NCOA2: variants seen among roughly 807,000 people sequenced by gnomAD.
The protein encoded by NCOA2 is nuclear receptor coactivator 2.
In NCOA2, 21 loss-of-function variants were observed where a neutral mutation model predicts 145.1. The observed-to-expected ratio is 0.14, with a 90% CI of 0.10 to 0.21. The LOEUF is 0.21. Among genes scored for constraint, NCOA2 ranks in the 10% least tolerant of loss-of-function variants. NCOA2 has a pLI of 1.00. For missense variants in NCOA2, 1,472 were observed against 1,837.6 expected (o/e 0.80, Z 3.64); for synonymous variants, 619 against 637.5 (o/e 0.97, Z 0.44).
the NCOA2 span, among the ~76,000 whole-genome samples, chr8:70,419,113 A>C: frequency 5.9e-5 from 9 of 152,042 alleles, no homozygotes; most frequent in East Asian, 3.9e-4. Context: ...AAAAAAAAAA[A>C]AAAACTAGAT....
intron 3 of NCOA2, among the ~76,000 whole-genome samples, chr8:70,215,140 T>C (rs1241820593): frequency 6.6e-6 from 1 of 152,206 alleles, no homozygotes; most frequent in Non-Finnish European, 1.5e-5. Flanking sequence ...GTCTCATTTT[T>C]ACCCGTAGCT....
chr8:70,197,958 C>T (rs1042186080), intron 4 of NCOA2, among the ~76,000 whole-genome samples: 13 of 152,050 alleles, frequency 8.5e-5, no homozygotes, highest in Non-Finnish European at 1.8e-4. Flanking sequence ...ACCACCATGC[C>T]CATTTAATTT....
chr8:70,204,209 T>C (rs1394940152), intron 4 of NCOA2, among the ~76,000 whole-genome samples: 2 of 152,132 alleles, frequency 1.3e-5, no homozygotes, highest in East Asian at 3.9e-4. Flanking sequence ...GGTTTCACCA[T>C]GTTGGCCAGG....
intron 5 of NCOA2, 26 bp downstream of exon 5, chr8:70,174,730 A>C (rs1814640379): frequency 6.4e-7 from 1 of 1,566,558 alleles, no homozygotes; most frequent in African/African-American, 1.4e-5. Flanking sequence ...ATTTTAAAAT[A>C]CAGCACTAAA....
chr8:70,267,357 C>T (rs2135206286), intron 2 of NCOA2, among the ~76,000 whole-genome samples: 2 of 151,856 alleles, frequency 1.3e-5, no homozygotes, highest in African/African-American at 4.8e-5. Context: ...CCTCATTTCC[C>T]ACCAGAAGAG....
chr8:70,134,559 C>A (rs777416307), intron 15 of NCOA2, among the ~76,000 whole-genome samples: 4 of 152,308 alleles, frequency 2.6e-5, no homozygotes, highest in Non-Finnish European at 5.9e-5. Context: ...AAATCTAATG[C>A]GTGCAGGCTG....
intron 2 of NCOA2, among the ~76,000 whole-genome samples, chr8:70,237,426 C>CA (rs1821726684): frequency 7.0e-6 from 1 of 142,354 alleles, no homozygotes; most frequent in African/African-American, 2.6e-5. Flanking sequence ...CAGTATTTTC[C>CA]TTTTTTTTTT....
intron 2 of NCOA2, among the ~76,000 whole-genome samples, chr8:70,277,402 A>T (rs1415292720): frequency 6.6e-6 from 1 of 152,210 alleles, no homozygotes; most frequent in Non-Finnish European, 1.5e-5. Context: ...AATTCAGATG[A>T]GAAAATATTT....
intron 2 of NCOA2, among the ~76,000 whole-genome samples, chr8:70,220,184 T>C (rs1401222653): frequency 6.6e-6 from 1 of 152,210 alleles, no homozygotes; most frequent in Non-Finnish European, 1.5e-5. Flanking sequence ...GGTTCTAAAA[T>C]TTCATTTGGT....
intron 1 of NCOA2, among the ~76,000 whole-genome samples, chr8:70,326,429 TCA>T (rs56218328): frequency 0.17 from 25,387 of 148,976 alleles, 2,376 homozygotes; most frequent in East Asian, 0.4. Context: ...TTTCTCTCTC[TCA>T]CACACACACA....
At chr8:70,230,596 C>T (rs1821049890) in intron 2 of NCOA2, among the ~76,000 whole-genome samples, 1 of 152,190 alleles carries the variant, frequency 6.6e-6, no homozygotes, top group South Asian at 2.1e-4. Context: ...CTGGGGATTA[C>T]TATGAGCAAG....
At chr8:70,199,794 T>C (rs993262701) in intron 4 of NCOA2, among the ~76,000 whole-genome samples, 4 of 152,212 alleles carry the variant, frequency 2.6e-5, no homozygotes, top group African/African-American at 9.7e-5. Context: ...AGCTGTAGGC[T>C]AATTACATCC....
chr8:70,402,855 G>C (rs1440534981), intron 1 of NCOA2, among the ~76,000 whole-genome samples: 118 of 138,378 alleles, frequency 8.5e-4, no homozygotes, highest in Non-Finnish European at 1.4e-3. Flanking sequence ...AGCCCGGCTC[G>C]GCGCCGCCGG....
intron 1 of NCOA2, among the ~76,000 whole-genome samples, chr8:70,332,675 T>C (rs1441627111): frequency 1.3e-5 from 2 of 152,182 alleles, no homozygotes; most frequent in African/African-American, 4.8e-5. Flanking sequence ...ATTTTGATGC[T>C]TATATCTAAT....
chr8:70,407,837 GAATA>G (rs1311230750), upstream of NCOA2, among the ~76,000 whole-genome samples: 1 of 152,002 alleles, frequency 6.6e-6, no homozygotes, highest in African/African-American at 2.4e-5. Flanking sequence ...TGAAAAGAAT[GAATA>G]AATGAATGAA....
chr8:70,409,231 A>G, the NCOA2 span, among the ~76,000 whole-genome samples: 1 of 152,234 alleles, frequency 6.6e-6, no homozygotes, highest in African/African-American at 2.4e-5. Context: ...ATGCAAATAC[A>G]TATTACCTAG....
intron 4 of NCOA2, among the ~76,000 whole-genome samples, chr8:70,195,499 G>A (rs1355676487): frequency 6.6e-6 from 1 of 152,034 alleles, no homozygotes; most frequent in Non-Finnish European, 1.5e-5. Flanking sequence ...ACAAGTAAGG[G>A]GTCCTGAAGC....
Position 70,214,092 on chromosome 8 carries a change from C to T in NCOA2, c.87-17G>A, listed in dbSNP as rs781555953. On this transcript the variant is annotated splice_polypyrimidine_tract_variant and intron_variant, in intron 3 of 22. Coordinates refer to ENST00000452400, the MANE Select transcript of NCOA2 (RefSeq NM_006540.4). ...CTTTTGGGGCTTAAAAGAAGAAACA[C>T]ATTTTTATGATGTATTTGAAAAAGA... is the stretch of plus-strand genomic sequence containing the variant. 1.1e-5 allele frequency: 17 copies of T among 1,584,542 alleles called. No homozygotes were observed. The East Asian group carries it at 3.6e-4, about 33-fold the overall frequency.
At chr8:70,292,920 A>G (rs1446101241) in intron 2 of NCOA2, among the ~76,000 whole-genome samples, 1 of 152,222 alleles carries the variant, frequency 6.6e-6, no homozygotes, top group African/African-American at 2.4e-5. Context: ...TTTCAATGTG[A>G]GCCTACATCA....
Sources: gnomAD v4.1 joint callset for allele counts (sites outside exome capture counted in the v4.1 genomes callset) on GRCh38, gnomAD v4.1.1 for gene constraint, MANE v1.5 for transcripts, NCBI Gene and HGNC (gene_info 2026-07-23, HGNC 2026-07-21) for gene names.